CWF19L2: variants seen among roughly 807,000 people sequenced by gnomAD.
The protein encoded by CWF19L2 is CWF19-like protein 2.
A neutral mutation model predicts 111.7 loss-of-function variants in CWF19L2; 98 were observed. The observed-to-expected ratio is 0.88, with a 90% CI of 0.75 to 1.04. CWF19L2 has a LOEUF of 1.04. Among genes scored for constraint, CWF19L2 ranks in the 50% least tolerant of loss-of-function variants. The pLI is 0.00. For synonymous variants in CWF19L2, 351 were observed against 342.9 expected (o/e 1.02, Z -0.26); for missense variants, 1,101 against 1,051.4 (o/e 1.05, Z -0.65).
At chr11:107,424,773 T>C (rs1254744123) in intron 8 of CWF19L2, among the ~76,000 whole-genome samples, 1 of 151,940 alleles carries the variant, frequency 6.6e-6, no homozygotes, top group Admixed American at 6.6e-5. Flanking sequence ...GACAAAAATA[T>C]ACAAGAATTC....
intron 3 of CWF19L2, 101 bp from the exon 4 acceptor site, chr11:107,443,150 A>G: frequency 1.3e-6 from 1 of 783,582 alleles, no homozygotes; most frequent in Middle Eastern, 2.3e-4. Flanking sequence ...GTAGAAAAAA[A>G]TTCTTACACT....
At chr11:107,361,290 C>G (rs1463153825) in intron 12 of CWF19L2, among the ~76,000 whole-genome samples, 2 of 152,172 alleles carry the variant, frequency 1.3e-5, no homozygotes, top group Non-Finnish European at 2.9e-5. Context: ...TTCAATATTT[C>G]CTATTCTGTT....
At chr11:107,455,355 AT>A (rs202233828) in intron 2 of CWF19L2, among the ~76,000 whole-genome samples, 16 of 152,104 alleles carry the variant, frequency 1.1e-4, no homozygotes, top group Admixed American at 2.0e-4. Context: ...ACCTAAAAAA[AT>A]AAAATAAAAT....
In CWF19L2 at chr11:107,349,950, T is replaced by G. The variant is rs1231119497; in HGVS notation, c.2086-897A>C. 2.6e-5 allele frequency among the ~76,000 whole-genome samples: 4 copies of G among 152,148 alleles called. No individual in the cohort carries two copies. In the East Asian group the frequency reaches 7.7e-4, roughly 29 times the overall value. Reference sequence around the variant, plus strand: ...AAATATTTAAAGAAATCACTGAATTTTCTACATAATCACTGAGATAAAGAG... The same window carrying G: ...AAATATTTAAAGAAATCACTGAATTGTCTACATAATCACTGAGATAAAGAG... On this transcript the variant is annotated intron_variant, in intron 13 of 17. Transcript: ENST00000282251.
chr11:107,327,685 T>C (rs1198185633), intron 17 of CWF19L2, among the ~76,000 whole-genome samples: 4 of 152,184 alleles, frequency 2.6e-5, no homozygotes, highest in African/African-American at 9.7e-5. Flanking sequence ...CATGATCCTC[T>C]TCCTGTGCTG....
chr11:107,333,182 T>G (rs1255845562), intron 16 of CWF19L2, among the ~76,000 whole-genome samples: 1 of 152,158 alleles, frequency 6.6e-6, no homozygotes, highest in African/African-American at 2.4e-5. Flanking sequence ...CAATACTATG[T>G]GATGCCTTAA....
rs766606975 is a variant in CWF19L2, at chr11:107,349,043, CATAA to C, written c.2092_2095del (p.Leu698ValfsTer14). The C allele has an allele frequency of 5.7e-6, 9 of 1,572,744 alleles. No individual in the cohort carries two copies. Among genetic ancestry groups the C allele is most frequent in the Non-Finnish European group, 7.9e-6 (9 of 1,146,448 alleles). On this transcript the variant is annotated frameshift_variant, in exon 14 of 18. Coordinates refer to ENST00000282251, the MANE Select transcript of CWF19L2 (RefSeq NM_152434.3). LOFTEE classifies it high-confidence loss of function. ...AGTAAGAGACCGTACGTTGGGTAAA[CATAA>C]ATAAACCTATAAGAGAGAAATACAA...
At chr11:107,433,301 C>A (rs1257368438) in intron 7 of CWF19L2, among the ~76,000 whole-genome samples, 1 of 151,924 alleles carries the variant, frequency 6.6e-6, no homozygotes, top group African/African-American at 2.4e-5. Flanking sequence ...CTAGAATATA[C>A]CTAACTCTGG....
intron 10 of CWF19L2, among the ~76,000 whole-genome samples, chr11:107,397,494 C>T (rs1860941331): frequency 6.6e-6 from 1 of 152,128 alleles, no homozygotes; most frequent in African/African-American, 2.4e-5. Context: ...CATCCCATCC[C>T]CCACAGCAGC....
chr11:107,348,155 A>G (rs1175612380), intron 14 of CWF19L2, among the ~76,000 whole-genome samples: 1 of 152,164 alleles, frequency 6.6e-6, no homozygotes, highest in Non-Finnish European at 1.5e-5. Context: ...AATTTCATTA[A>G]ATGCCATCAA....
At chr11:107,454,211 T>C (rs1277921487) in intron 3 of CWF19L2, among the ~76,000 whole-genome samples, 1 of 152,242 alleles carries the variant, frequency 6.6e-6, no homozygotes, top group Non-Finnish European at 1.5e-5. Context: ...CAAGATCCAG[T>C]GCTGTGCTTA....
chr11:107,450,052 T>C (rs11212246), intron 3 of CWF19L2, among the ~76,000 whole-genome samples: 4,169 of 151,486 alleles, frequency 0.028, 107 homozygotes, highest in East Asian at 0.1. Context: ...TGAGCCAAGA[T>C]TGCGGCACTG....
intron 12 of CWF19L2, among the ~76,000 whole-genome samples, chr11:107,376,045 T>C (rs1860594558): frequency 8.3e-6 from 1 of 121,024 alleles, no homozygotes; most frequent in Non-Finnish European, 1.7e-5. Context: ...ACACATACAC[T>C]CTCCCAAGAC....
intron 10 of CWF19L2, among the ~76,000 whole-genome samples, chr11:107,400,096 A>G (rs1279552107): frequency 6.6e-6 from 1 of 152,172 alleles, no homozygotes; most frequent in East Asian, 1.9e-4. Context: ...TCATAGCCCT[A>G]AACGCCTATA....
chr11:107,336,018 G>A (rs373827991), intron 15 of CWF19L2, among the ~76,000 whole-genome samples: 711 of 152,114 alleles, frequency 4.7e-3, no homozygotes, highest in African/African-American at 0.012. Flanking sequence ...TCAAGAGATC[G>A]AGACCATCCT....
intron 14 of CWF19L2, among the ~76,000 whole-genome samples, chr11:107,339,068 C>G (rs1294935378): frequency 1.3e-5 from 2 of 152,152 alleles, no homozygotes; most frequent in African/African-American, 4.8e-5. Flanking sequence ...ACAACCTCAC[C>G]AGCATCTGTT....
chr11:107,360,173 C>T (rs1860303300), intron 12 of CWF19L2, among the ~76,000 whole-genome samples: 2 of 152,168 alleles, frequency 1.3e-5, no homozygotes, highest in South Asian at 4.2e-4. Context: ...CATGTGTATA[C>T]ATTATTTAGC....
intron 4 of CWF19L2, 100 bp from the exon 5 acceptor site, chr11:107,441,722 T>G: frequency 8.1e-7 from 1 of 1,240,374 alleles, no homozygotes; most frequent in Non-Finnish European, 1.0e-6. Context: ...AGCAGGGACT[T>G]TGGAGGCAAT....
intron 3 of CWF19L2, among the ~76,000 whole-genome samples, chr11:107,453,318 G>T (rs1426910170): frequency 6.6e-6 from 1 of 152,102 alleles, no homozygotes; most frequent in Non-Finnish European, 1.5e-5. Flanking sequence ...ATGGACAGGT[G>T]GTTGGGGGGC....
Sources: allele counts gnomAD v4.1 joint callset (sites outside exome capture counted in the v4.1 genomes callset), GRCh38; gene constraint gnomAD v4.1.1; transcripts MANE v1.5; gene names NCBI Gene and HGNC (gene_info 2026-07-23, HGNC 2026-07-21).